Variants in TMEM272 observed in about 807,000 individuals in gnomAD.
TMEM272 encodes transmembrane protein 272.
In TMEM272, 8 loss-of-function variants were observed where a neutral mutation model predicts 3.7. That is an observed-to-expected ratio of 2.17 (90% CI 1.27 to 3.91). The LOEUF (loss-of-function observed/expected upper bound fraction) is 3.91, where lower values mean the gene tolerates loss of function less well. TMEM272 is among the 30% of genes most tolerant of loss of function. The pLI is 0.00. For synonymous variants in TMEM272, 63 were observed against 39.8 expected, an observed-to-expected ratio of 1.58 and a Z score of -2.20; for missense variants, 166 against 91.5, an observed-to-expected ratio of 1.81 and a Z score of -3.32.
the TMEM272 span, among the ~76,000 whole-genome samples, chr13:51,885,791 G>A: frequency 6.6e-6 from 1 of 152,168 alleles, no homozygotes; most frequent in Non-Finnish European, 1.5e-5. Context: ...CTCTGGTCTT[G>A]TGGAATTGAA....
the TMEM272 span, among the ~76,000 whole-genome samples, chr13:51,930,874 G>T: frequency 0.56 from 85,328 of 151,730 alleles, 24,096 homozygotes; most frequent in Middle Eastern, 0.64. Flanking sequence ...AATAAAAAAG[G>T]TTTTATTTAT....
the TMEM272 span, among the ~76,000 whole-genome samples, chr13:51,881,098 C>G: frequency 6.6e-6 from 1 of 152,152 alleles, no homozygotes; most frequent in Non-Finnish European, 1.5e-5. Context: ...TAACAATCAC[C>G]AAGTATTCTG....
chr13:51,842,794 T>C (rs9591435), intron 1 of TMEM272, among the ~76,000 whole-genome samples: 1,953 of 152,364 alleles, frequency 0.013, 44 homozygotes, highest in African/African-American at 0.045. Flanking sequence ...GAATTATATT[T>C]CACAGAGTAC....
intron 4 of TMEM272, among the ~76,000 whole-genome samples, chr13:51,820,645 A>T (rs748323875): frequency 1.3e-5 from 2 of 152,226 alleles, no homozygotes; most frequent in Non-Finnish European, 2.9e-5. Context: ...GGGCAGCTTG[A>T]CGATGAGTGA....
chr13:51,821,687 AGCAAAAAAAAAAAAAGCAGC>A lies in TMEM272; in HGVS notation c.201+348_201+367del, dbSNP rs1425404169. ...TTTCCTCAAAAAAAAAAAAAAAAAA[AGCAAAAAAAAAAAAAGCAGC>A]AGCAGCAGCAGCGCAGAGAAAGACC... On this transcript the variant is annotated intron_variant, in intron 4 of 4. Transcript: ENST00000629372. Among the ~76,000 whole-genome samples, 329 of 119,166 alleles carry A rather than the reference AGCAAAAAAAAAAAAAGCAGC, an allele frequency of 2.8e-3. 1 individual carries two copies. Among genetic ancestry groups the A allele is most frequent in the Non-Finnish European group, 4.5e-3 (274 of 60,298 alleles). The allele number at this position is 119,166 out of a possible 152,430, so 78.2% of individuals were successfully genotyped here.
the TMEM272 span, among the ~76,000 whole-genome samples, chr13:51,903,425 GCA>G: frequency 2.0e-5 from 3 of 152,204 alleles, no homozygotes; most frequent in South Asian, 6.2e-4. Flanking sequence ...GGGAGAGGTG[GCA>G]CACCAACGAG....
At chr13:51,927,709 C>T in the TMEM272 span, among the ~76,000 whole-genome samples, 1 of 152,164 alleles carries the variant, frequency 6.6e-6, no homozygotes, top group Non-Finnish European at 1.5e-5. Flanking sequence ...AAATATTTTC[C>T]AGGAGCCTGC....
At chr13:51,930,867 A>T in the TMEM272 span, among the ~76,000 whole-genome samples, 5 of 151,984 alleles carry the variant, frequency 3.3e-5, no homozygotes, top group Non-Finnish European at 5.9e-5. Flanking sequence ...AATCTTTAAT[A>T]AAAAAGGTTT....
At chr13:51,882,227 C>T in the TMEM272 span, among the ~76,000 whole-genome samples, 944 of 152,268 alleles carry the variant, frequency 6.2e-3, 14 homozygotes, top group African/African-American at 0.021. Flanking sequence ...TTTAGTTACC[C>T]TAGCTGTTTT....
At chr13:51,878,612 C>G in the TMEM272 span, among the ~76,000 whole-genome samples, 249 of 152,258 alleles carry the variant, frequency 1.6e-3, no homozygotes, top group African/African-American at 5.7e-3. Context: ...AACACAGAGC[C>G]AGACCATATC....
chr13:51,817,559 G>T (rs1245169138), intron 4 of TMEM272, among the ~76,000 whole-genome samples: 6 of 152,184 alleles, frequency 3.9e-5, no homozygotes, highest in Admixed American at 2.0e-4. Flanking sequence ...ACCCCTAGCA[G>T]ACTTTTCCCT....
chr13:51,819,014 G>A (rs1311845874), intron 4 of TMEM272, among the ~76,000 whole-genome samples: 1 of 152,176 alleles, frequency 6.6e-6, no homozygotes, highest in Admixed American at 6.5e-5. Flanking sequence ...TTAAATTGGA[G>A]GGTTCTCGCC....
the TMEM272 span, among the ~76,000 whole-genome samples, chr13:51,882,769 AAAATAAAAT>A: frequency 1.3e-5 from 2 of 151,742 alleles, no homozygotes; most frequent in South Asian, 4.1e-4. Flanking sequence ...TAAAAAATAT[AAAATAAAAT>A]AAATAAAATA....
At chr13:51,900,033 A>C in the TMEM272 span, among the ~76,000 whole-genome samples, 1 of 152,344 alleles carries the variant, frequency 6.6e-6, no homozygotes, top group African/African-American at 2.4e-5. Flanking sequence ...GCAAGAGTTA[A>C]AACTATGGAA....
the TMEM272 span, among the ~76,000 whole-genome samples, chr13:51,852,741 T>C: frequency 3.3e-5 from 5 of 151,954 alleles, no homozygotes; most frequent in Admixed American, 3.3e-4. Context: ...TAGCCGGGCG[T>C]GGTGGCGGGC....
chr13:51,844,583 G>A (rs896254646), intron 1 of TMEM272, among the ~76,000 whole-genome samples: 4 of 152,046 alleles, frequency 2.6e-5, no homozygotes, highest in Non-Finnish European at 4.4e-5. Flanking sequence ...TCCCTAGGAT[G>A]CCTTCATTGT....
At chr13:51,923,399 G>A in the TMEM272 span, among the ~76,000 whole-genome samples, 1 of 152,184 alleles carries the variant, frequency 6.6e-6, no homozygotes, top group African/African-American at 2.4e-5. Flanking sequence ...GCCACCTGGG[G>A]AGGCGATGGA....
At chr13:51,840,558 A>AC (rs1296524385) in intron 1 of TMEM272, among the ~76,000 whole-genome samples, 1 of 151,596 alleles carries the variant, frequency 6.6e-6, no homozygotes, top group Admixed American at 6.6e-5. Context: ...AGGTTTTCTG[A>AC]CCCCCCAATC....
the TMEM272 span, among the ~76,000 whole-genome samples, chr13:51,920,399 G>A: frequency 6.6e-6 from 1 of 152,138 alleles, no homozygotes; most frequent in African/African-American, 2.4e-5. Flanking sequence ...GAGGGTCTGG[G>A]TAGGGCATGG....
Sources: allele counts gnomAD v4.1 joint callset (sites outside exome capture counted in the v4.1 genomes callset), GRCh38; gene constraint gnomAD v4.1.1; transcripts MANE v1.5; gene names NCBI Gene and HGNC (gene_info 2026-07-23, HGNC 2026-07-21).